COQ5: variants seen among roughly 807,000 people sequenced by gnomAD.
COQ5 encodes the protein coenzyme Q5, methyltransferase.
In COQ5, 27 loss-of-function variants were observed where a neutral mutation model predicts 40.5. That is an observed-to-expected ratio of 0.67 (90% CI 0.49 to 0.92). COQ5 has a LOEUF of 0.92. COQ5 is among the 40% of genes least tolerant of loss of function. The pLI is 0.00. For synonymous variants in COQ5, 141 were observed against 150.0 expected (o/e 0.94, Z 0.44); for missense variants, 409 against 406.4 (o/e 1.01, Z -0.06).
chr12:120,516,420 T>G, intron 3 of COQ5, 147 bp downstream of exon 3: 1 of 768,440 alleles, frequency 1.3e-6, no homozygotes, highest in Non-Finnish European at 2.3e-6. Flanking sequence ...GCACACAAAC[T>G]AGATTCAGCC....
In COQ5 at chr12:120,516,599, T is replaced by C. The variant is rs1869381087; in HGVS notation, c.542A>G (p.Lys181Arg). Residue 181 changes from lysine (K) to arginine (R), a missense_variant, in exon 3 of 7, where the codon AAG (lysine) becomes AGG (arginine). By Grantham distance (26) the Lys-to-Arg change is conservative. Transcript: ENST00000288532. ...DINKEMLKVG[K>R]QKALAQGYRA... ...GTATCCTTGAGCCAAGGCTTTCTGC[T>C]TTCCAACCTTTAGCATCTCCTTGTT... is the stretch of plus-strand genomic sequence containing the variant. The C allele has an allele frequency of 6.2e-7, 1 of 1,614,112 alleles. No homozygotes were observed. The highest frequency in any genetic ancestry group is 8.5e-7 in the Non-Finnish European group (1 of 1,180,054).
chr12:120,505,643 A>G (rs1710143), intron 4 of COQ5, among the ~76,000 whole-genome samples: 40,570 of 150,638 alleles, frequency 0.27, 6,456 homozygotes, highest in Admixed American at 0.39. Flanking sequence ...CACAACCTCC[A>G]CCTCTCAGGT....
At chr12:120,520,632 G>C (rs926799882) in intron 2 of COQ5, among the ~76,000 whole-genome samples, 1 of 151,800 alleles carries the variant, frequency 6.6e-6, no homozygotes, top group African/African-American at 2.4e-5. Context: ...CCATCGCCCA[G>C]CTGAATTTTT....
chr12:120,527,089 TTTTC>T (rs1365537428), intron 1 of COQ5: 3 of 151,680 alleles, frequency 2.0e-5, no homozygotes, highest in Non-Finnish European at 4.4e-5. Context: ...TTAGAATTTT[TTTTC>T]TTTGTTTTTG....
At chr12:120,519,559 C>CA (rs1051087769) in intron 2 of COQ5, among the ~76,000 whole-genome samples, 58 of 143,174 alleles carry the variant, frequency 4.1e-4, no homozygotes, top group Middle Eastern at 7.8e-3. Context: ...GACTCCATCT[C>CA]AAAAAAAAAA....
intron 4 of COQ5, among the ~76,000 whole-genome samples, chr12:120,505,243 G>C (rs1868827637): frequency 1.3e-5 from 2 of 152,032 alleles, no homozygotes; most frequent in African/African-American, 2.4e-5. Context: ...TTGCATGAAG[G>C]GTAAGTTTAG....
intron 2 of COQ5, among the ~76,000 whole-genome samples, chr12:120,521,354 G>A (rs1002229789): frequency 2.0e-5 from 3 of 151,864 alleles, no homozygotes; most frequent in African/African-American, 4.8e-5. Flanking sequence ...GGTGTGAGCC[G>A]CTGCGGCCAG....
intron 1 of COQ5, among the ~76,000 whole-genome samples, chr12:120,525,761 A>G (rs1869906752): frequency 6.6e-6 from 1 of 151,774 alleles, no homozygotes; most frequent in African/African-American, 2.4e-5. Context: ...CATCTCTACT[A>G]AAAATACAAA....
intron 3 of COQ5, among the ~76,000 whole-genome samples, chr12:120,516,238 T>A (rs1203897214): frequency 6.6e-6 from 1 of 152,160 alleles, no homozygotes; most frequent in African/African-American, 2.4e-5. Context: ...AACTTCTGTC[T>A]CAGGGTCTCA....
intron 1 of COQ5, among the ~76,000 whole-genome samples, chr12:120,525,097 C>T (rs537929283): frequency 1.3e-5 from 2 of 151,494 alleles, no homozygotes; most frequent in Admixed American, 6.6e-5. Context: ...TGTGAGCCAC[C>T]GTGCCCGGAC....
chr12:120,519,785 G>A (rs1319847142), intron 2 of COQ5, among the ~76,000 whole-genome samples: 9 of 149,350 alleles, frequency 6.0e-5, no homozygotes, highest in African/African-American at 2.2e-4. Context: ...CAGGAAAATC[G>A]CTTGAACCTA....
At chr12:120,516,866 A>G in intron 2 of COQ5, 78 bp from the exon 3 acceptor site, 1 of 1,289,438 alleles carries the variant, frequency 7.8e-7, no homozygotes, top group Non-Finnish European at 1.1e-6. Flanking sequence ...CCTAAAACCC[A>G]AAGGGGTAAC....
intron 3 of COQ5, among the ~76,000 whole-genome samples, chr12:120,511,023 C>T (rs568192157): frequency 6.6e-6 from 1 of 152,160 alleles, no homozygotes; most frequent in South Asian, 2.1e-4. Context: ...GAAATCCCAG[C>T]ATTTTGGGAA....
chr12:120,522,483 A>C (rs1320685894), intron 1 of COQ5, 120 bp from the exon 2 acceptor site: 1 of 903,658 alleles, frequency 1.1e-6, no homozygotes, highest in Non-Finnish European at 1.8e-6. Flanking sequence ...GGTGAAACTA[A>C]GTCGTAATGC....
intron 4 of COQ5, among the ~76,000 whole-genome samples, chr12:120,508,449 A>G (rs1868979915): frequency 6.6e-6 from 1 of 152,180 alleles, no homozygotes; most frequent in Admixed American, 6.5e-5. Flanking sequence ...AACATCACAA[A>G]CACTTGTCTA....
At chr12:120,506,478 T>C (rs1565928738) in intron 4 of COQ5, among the ~76,000 whole-genome samples, 1 of 152,028 alleles carries the variant, frequency 6.6e-6, no homozygotes, top group African/African-American at 2.4e-5. Flanking sequence ...GTGATTCTCC[T>C]GCCTCAGCCT....
At chr12:120,509,448 G>A (rs1463642709) in intron 4 of COQ5, among the ~76,000 whole-genome samples, 1 of 152,134 alleles carries the variant, frequency 6.6e-6, no homozygotes, top group African/African-American at 2.4e-5. Flanking sequence ...GCTATCTTTT[G>A]TCAAAACAGT....
At chr12:120,509,779 C>T (rs192921508) in intron 4 of COQ5, 2 of 428,446 alleles carry the variant, frequency 4.7e-6, no homozygotes, top group Non-Finnish European at 8.6e-6. Context: ...ATCTATCTCT[C>T]TCTCTCTCTC....
At chr12:120,528,077 C>T (rs1218743666) in intron 1 of COQ5, among the ~76,000 whole-genome samples, 2 of 145,506 alleles carry the variant, frequency 1.4e-5, no homozygotes, top group Non-Finnish European at 3.0e-5. Flanking sequence ...TGGCAGATGC[C>T]TGTAATCCCA....
Sources: allele counts gnomAD v4.1 joint callset (sites outside exome capture counted in the v4.1 genomes callset), GRCh38; gene constraint gnomAD v4.1.1; transcripts MANE v1.5; gene names NCBI Gene and HGNC (gene_info 2026-07-23, HGNC 2026-07-21).